Variants in NIBAN3 observed in about 807,000 individuals in gnomAD.
NIBAN3 encodes protein Niban 3.
A neutral mutation model predicts 76.4 loss-of-function variants in NIBAN3; 66 were observed. The ratio of observed to expected loss-of-function variants is 0.86; its 90% CI spans 0.71 to 1.06. The LOEUF (loss-of-function observed/expected upper bound fraction) is 1.06, where lower values mean the gene tolerates loss of function less well. Among genes scored for constraint, NIBAN3 ranks in the 50% least tolerant of loss-of-function variants. NIBAN3 has a pLI of 0.00. For missense variants in NIBAN3, 808 were observed against 810.7 expected, an observed-to-expected ratio of 1.00 and a Z score of 0.04; for synonymous variants, 360 against 355.2, an observed-to-expected ratio of 1.01 and a Z score of -0.15.
At chr19:17,526,038 A>T (rs2075602945), upstream of NIBAN3, among the ~76,000 whole-genome samples, 1 of 150,882 alleles carries the variant, frequency 6.6e-6, no homozygotes. Flanking sequence ...TGGGCAACAG[A>T]GTGAGACACC....
At chr19:17,532,495 A>G in intron 3 of NIBAN3, 107 bp downstream of exon 3, 2 of 1,521,060 alleles carry the variant, frequency 1.3e-6, no homozygotes, top group Non-Finnish European at 1.8e-6. Context: ...ACCTCTATCA[A>G]TCACCCAGGA....
At chr19:17,554,156 G>A (rs567576785), downstream of NIBAN3, among the ~76,000 whole-genome samples, 2 of 152,188 alleles carry the variant, frequency 1.3e-5, no homozygotes, top group South Asian at 2.1e-4. Flanking sequence ...TTACAGGCGT[G>A]AGCCACTGCA....
At chr19:17,532,425 C>G in intron 3 of NIBAN3, 37 bp downstream of exon 3, 1 of 1,613,994 alleles carries the variant, frequency 6.2e-7, no homozygotes, top group Non-Finnish European at 8.5e-7. Flanking sequence ...ACTTCTGGGT[C>G]CCTCCTTCCC....
intron 2 of NIBAN3, among the ~76,000 whole-genome samples, chr19:17,531,293 T>C (rs62126817): frequency 0.3 from 45,329 of 149,358 alleles, 7,696 homozygotes; most frequent in African/African-American, 0.46. Context: ...TGCCACTGCA[T>C]TCCAGCCTAG....
chr19:17,528,941 A>G (rs142815453), intron 1 of NIBAN3, among the ~76,000 whole-genome samples: 1 of 152,254 alleles, frequency 6.6e-6, no homozygotes, highest in African/African-American at 2.4e-5. Flanking sequence ...GCAGAGGTGG[A>G]TGACTGCCCA....
At chr19:17,533,373 G>T (rs1169383185) in intron 3 of NIBAN3, 13 of 467,344 alleles carry the variant, frequency 2.8e-5, no homozygotes, top group Admixed American at 3.9e-5. Flanking sequence ...TCGCGCCATC[G>T]CACTCCAGCC....
chr19:17,528,662 C>T (rs1452200607), intron 1 of NIBAN3, among the ~76,000 whole-genome samples: 5 of 152,062 alleles, frequency 3.3e-5, no homozygotes, highest in Admixed American at 6.6e-5. Context: ...CTGTGCTGGG[C>T]GCTGGGGACA....
At chr19:17,530,531 CAAAAA>C (rs558680407) in intron 1 of NIBAN3, among the ~76,000 whole-genome samples, 2 of 46,364 alleles carry the variant, frequency 4.3e-5, no homozygotes, top group African/African-American at 6.6e-5. Flanking sequence ...GACTCCATCT[CAAAAA>C]AAAAAAAAAA....
At position 17,543,420 on chromosome 19, in the gene NIBAN3, G is replaced by A. The variant is rs888799687; in HGVS notation, c.1433G>A (p.Gly478Glu). The A allele has an allele frequency of 8.7e-6, 14 of 1,613,502 alleles. No homozygotes were observed. The highest frequency in any genetic ancestry group is 1.2e-5 in the Non-Finnish European group (14 of 1,179,568). ...GCCCAGAGGCTGGAGAGAGTCAGGG[G>A]GCGCGTGCTGAAGGTGTGTTCTGTG... ...QAAQRLERVR[G>E]RVLKKFKSDS... is the part of the protein sequence containing the mutation. The change falls in exon 11 of 15, where the codon GGG becomes GAG. Residue 478 changes from glycine (G) to glutamate (E), a missense_variant. Gly to Glu is a moderately conservative substitution (Grantham distance 98). Coordinates refer to ENST00000599164, the MANE Select transcript of NIBAN3 (RefSeq NM_001321827.2).
At chr19:17,526,432 C>T (rs1248159729), upstream of NIBAN3, among the ~76,000 whole-genome samples, 2 of 151,502 alleles carry the variant, frequency 1.3e-5, no homozygotes, top group Admixed American at 1.3e-4. Flanking sequence ...CACTTGAGTC[C>T]AGAAGTTTGA....
chr19:17,545,275 C>CA (rs1489447434), intron 12 of NIBAN3: 1 of 155,220 alleles, frequency 6.4e-6, no homozygotes, highest in Non-Finnish European at 1.4e-5. Context: ...GATCTTGGCT[C>CA]ACTGCAACCT....
chr19:17,549,878 A>G (rs1003527357), intron 14 of NIBAN3: 3 of 462,106 alleles, frequency 6.5e-6, no homozygotes, highest in Non-Finnish European at 1.1e-5. Context: ...GCTGGAATGC[A>G]TAATCTCAGC....
In NIBAN3 at chr19:17,551,768, A is replaced by G. The variant is rs756435437; in HGVS notation, c.1751-18A>G. On this transcript the variant is annotated intron_variant, in intron 14 of 14. Transcript: ENST00000599164. ...GACACATCTGATTTTTGACGTCCGT[A>G]TATTTTCCATTATACAGATGAGGAA... 1.0e-5 allele frequency: 8 copies of G among 762,130 alleles called. 1 individual carries two copies. The South Asian group carries it at 1.1e-4, about 10-fold the overall frequency. The allele number at this position is 762,130 out of a possible 1,614,324, so 47.2% of individuals were successfully genotyped here.
At position 17,552,066 on chromosome 19, in the gene NIBAN3, C is replaced by T; in HGVS notation, c.*168C>T. The T allele has an allele frequency of 2.4e-6, 1 of 417,868 alleles. No individual in the cohort carries two copies. Among genetic ancestry groups the T allele is most frequent in the Non-Finnish European group, 4.2e-6 (1 of 235,596 alleles). The allele number at this position is 417,868 out of a possible 1,614,324, so 25.9% of individuals were successfully genotyped here. A position where few individuals can be genotyped will look rare whatever the true frequency, so the allele number is the denominator to read the frequency against. ...ATTTATTTGTGTATTTTCCCCAAGGCTTTCTTTATTTTAATTTTTTTTTTT... is the reference window on the plus strand; with the variant it reads ...ATTTATTTGTGTATTTTCCCCAAGGTTTTCTTTATTTTAATTTTTTTTTTT... On this transcript the variant is annotated 3_prime_UTR_variant, in exon 15 of 15. Coordinates refer to ENST00000599164, the MANE Select transcript of NIBAN3 (RefSeq NM_001321827.2).
In NIBAN3 at chr19:17,533,669, G is replaced by C. The variant is rs370043401; in HGVS notation, c.395G>C (p.Arg132Pro). ...TLLTSQREYL[R>P]LLDALCPESL... ...CTGACTTCCCAGCGAGAATATCTCC[G>C]CCTTTTGGATGCTCTCTGCCCTGAA... is the stretch of plus-strand genomic sequence containing the variant. Residue 132 changes from arginine to proline, a missense_variant, in exon 4 of 15, where the codon CGC becomes CCC. By Grantham distance (103) the Arg-to-Pro change is moderately radical. Transcript: ENST00000599164. 1 of 1,613,978 alleles carries C rather than the reference G, an allele frequency of 6.2e-7. No individual in the cohort carries two copies. Among genetic ancestry groups the C allele is most frequent in the South Asian group, 1.1e-5 (1 of 91,070 alleles).
intron 13 of NIBAN3, among the ~76,000 whole-genome samples, chr19:17,547,393 C>T (rs1169675984): frequency 4.2e-5 from 4 of 95,708 alleles, no homozygotes; most frequent in East Asian, 7.1e-4. Context: ...CTCGCTCTGT[C>T]ACCCAGGCTG....
chr19:17,531,020 C>T, intron 2 of NIBAN3, 135 bp downstream of exon 2: 1 of 1,081,320 alleles, frequency 9.2e-7, no homozygotes, highest in Non-Finnish European at 1.3e-6. Context: ...TTTAAATAAA[C>T]ATTCACTGAG....
At chr19:17,523,914 G>T (rs553797619), upstream of NIBAN3, among the ~76,000 whole-genome samples, 2 of 152,038 alleles carry the variant, frequency 1.3e-5, no homozygotes, top group African/African-American at 4.8e-5. Flanking sequence ...GGGGGGACAC[G>T]GTCTTGCTCT....
At chr19:17,546,055 T>A (rs576064922) in intron 12 of NIBAN3, 1 of 355,608 alleles carries the variant, frequency 2.8e-6, no homozygotes, top group Non-Finnish European at 5.7e-6. Context: ...CAAGGAGCCC[T>A]TCTGCTGGCC....
Sources: allele counts gnomAD v4.1 joint callset (sites outside exome capture counted in the v4.1 genomes callset), GRCh38; gene constraint gnomAD v4.1.1; transcripts MANE v1.5; gene names NCBI Gene and HGNC (gene_info 2026-07-23, HGNC 2026-07-21).